COG5: variants seen among roughly 807,000 people sequenced by gnomAD.
The protein encoded by COG5 is conserved oligomeric Golgi complex subunit 5.
In COG5, 86 loss-of-function variants were observed where a neutral mutation model predicts 110.4. The observed-to-expected ratio is 0.78, with a 90% CI of 0.65 to 0.93. The LOEUF (loss-of-function observed/expected upper bound fraction) is 0.93. Among genes scored for constraint, COG5 ranks in the 40% least tolerant of loss-of-function variants. The pLI is 0.00. For synonymous variants in COG5, 360 were observed against 334.6 expected (o/e 1.08, Z -0.83); for missense variants, 1,077 against 987.0 (o/e 1.09, Z -1.22).
chr7:107,221,114 G>C (rs2116307530), intron 19 of COG5, among the ~76,000 whole-genome samples: 1 of 152,186 alleles, frequency 6.6e-6, no homozygotes, highest in East Asian at 1.9e-4. Context: ...ACTGCACCTG[G>C]CTTCATGCCC....
At chr7:107,465,396 T>C (rs1325621821) in intron 6 of COG5, among the ~76,000 whole-genome samples, 1 of 152,118 alleles carries the variant, frequency 6.6e-6, no homozygotes, top group Admixed American at 6.6e-5. Flanking sequence ...TCTAACAAAA[T>C]ATGTGCAGGA....
intron 6 of COG5, among the ~76,000 whole-genome samples, chr7:107,501,169 A>G (rs997228362): frequency 8.5e-5 from 13 of 152,240 alleles, no homozygotes; most frequent in African/African-American, 3.1e-4. Flanking sequence ...CAACAATAGA[A>G]TAAGCCTGTA....
At chr7:107,515,662 AG>A in intron 6 of COG5, among the ~76,000 whole-genome samples, 1 of 152,290 alleles carries the variant, frequency 6.6e-6, no homozygotes, top group South Asian at 2.1e-4. Flanking sequence ...GCCTCAATTG[AG>A]GACTTTAATG....
At chr7:107,498,953 T>A (rs1798454795) in intron 6 of COG5, among the ~76,000 whole-genome samples, 1 of 152,166 alleles carries the variant, frequency 6.6e-6, no homozygotes, top group South Asian at 2.1e-4. Flanking sequence ...TAGAACAGAA[T>A]ATTATTCCGA....
intron 6 of COG5, among the ~76,000 whole-genome samples, chr7:107,430,675 A>C (rs1793968010): frequency 6.6e-6 from 1 of 152,216 alleles, no homozygotes; most frequent in Non-Finnish European, 1.5e-5. Context: ...TAAGGACTGC[A>C]CTGAATCTAT....
At chr7:107,426,766 G>GT (rs2129076716) in intron 6 of COG5, among the ~76,000 whole-genome samples, 2 of 152,210 alleles carry the variant, frequency 1.3e-5, no homozygotes, top group South Asian at 4.1e-4. Context: ...GCCCCATAGT[G>GT]TAGCTGTGTG....
rs77758062 is a variant in COG5 at position 107,204,800 on chromosome 7, C to T, written c.2376-1170G>A. ...CTTAAGTTCCAGCCCTCGACCTCCC[C>T]CTCCTGATCTCTGCTTCTTCCTGTC... On this transcript the variant is annotated intron_variant, in intron 21 of 21. Coordinates refer to ENST00000297135, the MANE Select transcript of COG5 (RefSeq NM_006348.5). 7.0e-4 allele frequency among the ~76,000 whole-genome samples: 106 copies of T among 152,286 alleles called. 2 individuals carry two copies. In the East Asian group the frequency reaches 0.02, roughly 29 times the overall value.
chr7:107,532,025 G>A (rs74374590), intron 5 of COG5, among the ~76,000 whole-genome samples: 19,087 of 152,150 alleles, frequency 0.13, 1,506 homozygotes, highest in Non-Finnish European at 0.17. Context: ...ATTTCTCAAA[G>A]AAGCCCTGGT....
intron 21 of COG5, among the ~76,000 whole-genome samples, chr7:107,204,550 T>G (rs117818105): frequency 6.6e-6 from 1 of 152,240 alleles, no homozygotes; most frequent in African/African-American, 2.4e-5. Context: ...ATTGGAGCAT[T>G]TGTATAAAGA....
chr7:107,475,194 GA>G, intron 6 of COG5: 1 of 1,611,858 alleles, frequency 6.2e-7, no homozygotes, highest in Non-Finnish European at 8.5e-7. Flanking sequence ...AAAAGGTCTT[GA>G]AAAGTAAAAT....
At chr7:107,289,433 A>G (rs1292771448) in intron 12 of COG5, among the ~76,000 whole-genome samples, 2 of 150,994 alleles carry the variant, frequency 1.3e-5, no homozygotes, top group Non-Finnish European at 3.0e-5. Context: ...GCCCTCCTAC[A>G]CTCTTTTTCT....
At chr7:107,253,767 C>G (rs904919417) in intron 16 of COG5, among the ~76,000 whole-genome samples, 1 of 152,118 alleles carries the variant, frequency 6.6e-6, no homozygotes, top group Non-Finnish European at 1.5e-5. Flanking sequence ...TCCAGCCACT[C>G]GGGCCTCCTG....
At chr7:107,509,508 G>T (rs1304736516) in intron 6 of COG5, among the ~76,000 whole-genome samples, 3 of 152,174 alleles carry the variant, frequency 2.0e-5, no homozygotes, top group Admixed American at 1.3e-4. Context: ...CCCCAATCTA[G>T]CAAGGCAGGC....
At chr7:107,498,177 C>T (rs900500969) in intron 6 of COG5, among the ~76,000 whole-genome samples, 2 of 152,158 alleles carry the variant, frequency 1.3e-5, no homozygotes, top group Admixed American at 1.3e-4. Context: ...AACTGTAAAA[C>T]TCCTAGAACG....
intron 6 of COG5, among the ~76,000 whole-genome samples, chr7:107,460,061 A>C (rs1446945173): frequency 2.0e-5 from 3 of 152,184 alleles, no homozygotes; most frequent in African/African-American, 7.2e-5. Flanking sequence ...TTAAATTAGA[A>C]ACCGATAACA....
intron 6 of COG5, among the ~76,000 whole-genome samples, chr7:107,494,592 A>G (rs1314381216): frequency 1.3e-5 from 2 of 152,240 alleles, no homozygotes; most frequent in Non-Finnish European, 2.9e-5. Flanking sequence ...CTAGGTGTGT[A>G]GTAGGCTACA....
Position 107,283,657 on chromosome 7 carries a change from G to A in COG5, c.1389C>T (p.Phe463=), listed in dbSNP as rs748974685. Reference sequence around the variant, plus strand: ...GGGGAAAAACCAAGTTGATAGGATCGAAGAGTCGAGATAAGGATTTTGATA... The same window carrying A: ...GGGGAAAAACCAAGTTGATAGGATCAAAGAGTCGAGATAAGGATTTTGATA... The part of the protein sequence containing the change: ...AYLSKSLSRL[F]DPINLVFPPG... Residue 463 remains phenylalanine, a synonymous_variant, in exon 13 of 22, where the codon TTC becomes TTT. Coordinates refer to ENST00000297135, the MANE Select transcript of COG5 (RefSeq NM_006348.5). The A allele has an allele frequency of 1.3e-5, 21 of 1,613,632 alleles. No individual in the cohort carries two copies. The highest frequency in any genetic ancestry group is 4.5e-5 in the East Asian group (2 of 44,842).
intron 10 of COG5, among the ~76,000 whole-genome samples, chr7:107,337,095 G>A (rs181299335): frequency 1.3e-5 from 2 of 151,868 alleles, no homozygotes; most frequent in Non-Finnish European, 1.5e-5. Flanking sequence ...AAACCACAAC[G>A]AGATATGACC....
chr7:107,240,571 A>T (rs1420170451), intron 17 of COG5, among the ~76,000 whole-genome samples: 1 of 152,174 alleles, frequency 6.6e-6, no homozygotes, highest in Non-Finnish European at 1.5e-5. Context: ...TGTAAGTTAG[A>T]CTTGAAGGTA....
Sources: allele counts gnomAD v4.1 joint callset (sites outside exome capture counted in the v4.1 genomes callset), GRCh38; gene constraint gnomAD v4.1.1; transcripts MANE v1.5; gene names NCBI Gene and HGNC (gene_info 2026-07-23, HGNC 2026-07-21).